INSR: variants seen among roughly 807,000 people sequenced by gnomAD.
INSR encodes insulin receptor, also known as IR.
Under a neutral mutation model 142.6 loss-of-function variants are expected in INSR, and 67 were observed. The observed-to-expected ratio is 0.47, with a 90% CI of 0.39 to 0.58. The LOEUF (loss-of-function observed/expected upper bound fraction) is 0.58, where lower values mean the gene tolerates loss of function less well. Ranked by LOEUF, INSR falls within the 20% of genes least tolerant of loss-of-function variation. INSR has a pLI of 0.00. For missense variants in INSR, 1,248 were observed against 1,833.2 expected (o/e 0.68, Z 5.83); for synonymous variants, 756 against 743.1 (o/e 1.02, Z -0.28).
intron 2 of INSR, among the ~76,000 whole-genome samples, chr19:7,250,961 A>C (rs1162503477): frequency 6.6e-6 from 1 of 151,522 alleles, no homozygotes; most frequent in Non-Finnish European, 1.5e-5. Flanking sequence ...TCTTCAACAG[A>C]GAGAAGGTAA....
rs867589282 is a variant in INSR, at chr19:7,152,409, A to C, written c.2231+317T>G. On this transcript the variant is annotated intron_variant, in intron 10 of 21. Coordinates refer to ENST00000302850, the MANE Select transcript of INSR (RefSeq NM_000208.4). ...AAAAAAAAAAAGAGAGAGAGAGAAA[A>C]AAAAAAATGTTAATCGTCTAACGGA... The C allele has an allele frequency of 3.1e-4, 119 of 382,254 alleles. 1 individual carries two copies. The highest frequency in any genetic ancestry group is 6.4e-5 in the Non-Finnish European group (13 of 202,176). The allele number at this position is 382,254 out of a possible 1,614,324, so 23.7% of individuals were successfully genotyped here.
Position 7,150,376 on chromosome 19 carries a change from A to T in INSR, c.2267+121T>A. On this transcript the variant is annotated intron_variant, in intron 11 of 21. Transcript: ENST00000302850. This position sits in a 1 kb window ranked among gnomAD's most constrained non-coding sequence, Gnocchi z 4.2. ...TGAATTGGTGAAGCATCTGCTCTCC[A>T]GCACAGCTGCCCGCCGCATGCAAAA... 2.4e-6 allele frequency: 2 copies of T among 839,032 alleles called. No homozygotes were observed. Among genetic ancestry groups the T allele is most frequent in the Non-Finnish European group, 2.0e-6 (1 of 501,194 alleles). 52.0% of individuals were successfully genotyped at this position (839,032 alleles called of 1,614,324 possible). A position where few individuals can be genotyped will look rare whatever the true frequency, so the allele number is the denominator to read the frequency against.
At chr19:7,250,865 C>T (rs1168012880) in intron 2 of INSR, among the ~76,000 whole-genome samples, 2 of 151,862 alleles carry the variant, frequency 1.3e-5, no homozygotes, top group Non-Finnish European at 2.9e-5. Flanking sequence ...GAGTCTGGAG[C>T]TCAGAGGGGC....
At position 7,178,469 on chromosome 19, in the gene INSR, CT is replaced by C. The variant is rs1220815986; in HGVS notation, c.975-3739del. Among the ~76,000 whole-genome samples the C allele has an allele frequency of 9.6e-4, 146 of 152,230 alleles. 2 individuals carry two copies. Among genetic ancestry groups the C allele is most frequent in the East Asian group, 2.7e-3 (14 of 5,186 alleles). ...GGTGCAGTGCCTCACGCCTGTAATCCTAGCACTTTGGGAGGCTGAGGCAGGT... is the reference window on the plus strand; with the variant it reads ...GGTGCAGTGCCTCACGCCTGTAATCCAGCACTTTGGGAGGCTGAGGCAGGT... On this transcript the variant is annotated intron_variant, in intron 3 of 21. Transcript: ENST00000302850.
At chr19:7,250,024 T>C (rs1976662506) in intron 2 of INSR, among the ~76,000 whole-genome samples, 1 of 151,744 alleles carries the variant, frequency 6.6e-6, no homozygotes, top group Non-Finnish European at 1.5e-5. Flanking sequence ...CTGGGCATGG[T>C]GACAGGGGCC....
At chr19:7,289,211 C>G (rs1968424792) in intron 1 of INSR, among the ~76,000 whole-genome samples, 1 of 151,808 alleles carries the variant, frequency 6.6e-6, no homozygotes, top group Admixed American at 6.6e-5. Context: ...ATCGGTAAAG[C>G]AGCGGAGATG....
rs80267156 is a variant in INSR at position 7,150,561 on chromosome 19, G to A, written c.2232-29C>T. The A allele has an allele frequency of 1.9e-4, 312 of 1,612,980 alleles. 1 individual carries two copies. The East Asian group carries it at 6.9e-3, about 36-fold the overall frequency. Reference sequence around the variant, plus strand: ...TGGAAACAAAACCAACGCCTTTGAGGACAGAGGGAACTTCATTAGACAGAC... The same window carrying A: ...TGGAAACAAAACCAACGCCTTTGAGAACAGAGGGAACTTCATTAGACAGAC... On this transcript the variant is annotated intron_variant, in intron 10 of 21. Coordinates refer to ENST00000302850, the MANE Select transcript of INSR (RefSeq NM_000208.4). The surrounding 1 kb of genome is among the most constrained non-coding windows in gnomAD (Gnocchi z 4.2).
chr19:7,154,069 G>A (rs1973521894), intron 9 of INSR, among the ~76,000 whole-genome samples: 1 of 151,830 alleles, frequency 6.6e-6, no homozygotes, highest in South Asian at 2.1e-4. Context: ...GTCGAGGCAG[G>A]AGAATCGCTT....
chr19:7,193,130 T>C (rs1391514936), intron 2 of INSR, among the ~76,000 whole-genome samples: 10 of 151,572 alleles, frequency 6.6e-5, no homozygotes, highest in Non-Finnish European at 1.3e-4. Context: ...TTTTTTTTTT[T>C]TTCCCCAGAT....
chr19:7,269,375 AAACACACACAC>A (rs1369274637), intron 1 of INSR, among the ~76,000 whole-genome samples: 70 of 92,292 alleles, frequency 7.6e-4, no homozygotes, highest in South Asian at 1.5e-3. Flanking sequence ...TAAGTCGAGA[AAACACACACAC>A]ACACACACAC....
intron 8 of INSR, among the ~76,000 whole-genome samples, chr19:7,165,267 G>C (rs1973864963): frequency 6.6e-6 from 1 of 151,736 alleles, no homozygotes; most frequent in African/African-American, 2.4e-5. Flanking sequence ...CTCCAGCCTG[G>C]GTGACAGAGT....
intron 3 of INSR, among the ~76,000 whole-genome samples, chr19:7,182,195 G>A (rs944676447): frequency 6.6e-6 from 1 of 151,952 alleles, no homozygotes; most frequent in Non-Finnish European, 1.5e-5. Flanking sequence ...ATTTAGCTGG[G>A]TATGGTGACA....
At chr19:7,140,743 AC>A (rs11334308) in intron 13 of INSR, among the ~76,000 whole-genome samples, 2,613 of 151,762 alleles carry the variant, frequency 0.017, 44 homozygotes, top group African/African-American at 0.041. Flanking sequence ...TCTATATTCT[AC>A]GAAAAAAATA....
At chr19:7,146,628 T>A (rs1307363582) in intron 11 of INSR, among the ~76,000 whole-genome samples, 1 of 152,160 alleles carries the variant, frequency 6.6e-6, no homozygotes, top group African/African-American at 2.4e-5. Flanking sequence ...CCTAAAATAG[T>A]TTTTCTATTA....
At chr19:7,194,952 C>T (rs1974705243) in intron 2 of INSR, among the ~76,000 whole-genome samples, 1 of 151,986 alleles carries the variant, frequency 6.6e-6, no homozygotes, top group East Asian at 1.9e-4. Flanking sequence ...AGCATCAGAA[C>T]ATAGATGACA....
intron 2 of INSR, among the ~76,000 whole-genome samples, chr19:7,208,424 G>GAA (rs748762494): frequency 2.5e-4 from 37 of 150,086 alleles, no homozygotes; most frequent in Admixed American, 1.3e-3. Flanking sequence ...TTAGCAACCG[G>GAA]AAAAAAAAAA....
intron 2 of INSR, among the ~76,000 whole-genome samples, chr19:7,206,330 A>G (rs1395206121): frequency 1.3e-5 from 2 of 151,812 alleles, no homozygotes; most frequent in African/African-American, 2.4e-5. Flanking sequence ...TGTGATCCAC[A>G]CTCAGCTAAT....
In INSR at chr19:7,119,813, CACAT is replaced by C. The variant is rs1243472865; in HGVS notation, c.3660-234_3660-231del. Among the ~76,000 whole-genome samples, 1 of 106,022 alleles carries C rather than the reference CACAT, an allele frequency of 9.4e-6. No homozygotes were observed. The highest frequency in any genetic ancestry group is 3.3e-5 in the African/African-American group (1 of 30,100). 69.6% of individuals were successfully genotyped at this position (106,022 alleles called of 152,430 possible). Reference sequence around the variant, plus strand: ...ACACACAAATATGCAAACACACAAACACATATACACACACAAACACACACACCCA... The same window carrying C: ...ACACACAAATATGCAAACACACAAACATACACACACAAACACACACACCCA... On this transcript the variant is annotated intron_variant, in intron 20 of 21. Transcript: ENST00000302850. The surrounding 1 kb of genome is among the most constrained non-coding windows in gnomAD (Gnocchi z 5.2).
chr19:7,205,742 T>C (rs1273110881), intron 2 of INSR, among the ~76,000 whole-genome samples: 1 of 152,110 alleles, frequency 6.6e-6, no homozygotes, highest in Non-Finnish European at 1.5e-5. Context: ...ATACAAAAAT[T>C]AGGTGGGCAT....
Sources: gnomAD v4.1 joint callset for allele counts (sites outside exome capture counted in the v4.1 genomes callset) on GRCh38, gnomAD v4.1.1 for gene constraint, Gnocchi (gnomAD v3.1) non-coding constraint, MANE v1.5 for transcripts, NCBI Gene and HGNC (gene_info 2026-07-23, HGNC 2026-07-21) for gene names.